The following SLC14A2 variants were observed in gnomAD, a reference collection of about 807,000 sequenced individuals.
SLC14A2 encodes urea transporter 2.
In SLC14A2, 91 loss-of-function variants were observed where a neutral mutation model predicts 104.6. The ratio of observed to expected loss-of-function variants is 0.87; its 90% CI spans 0.73 to 1.04. SLC14A2 has a LOEUF of 1.04. Among genes scored for constraint, SLC14A2 ranks in the 50% least tolerant of loss-of-function variants. The probability of loss-of-function intolerance (pLI) is 0.00; values close to 1 mark genes in which losing one functional copy is unlikely to be tolerated. For missense variants in SLC14A2, 1,189 were observed against 1,156.0 expected, an observed-to-expected ratio of 1.03 and a Z score of -0.41; for synonymous variants, 476 against 466.4, an observed-to-expected ratio of 1.02 and a Z score of -0.27.
chr18:45,326,815 G>A (rs1599677132), intron 1 of SLC14A2, among the ~76,000 whole-genome samples: 2 of 152,202 alleles, frequency 1.3e-5, no homozygotes, highest in African/African-American at 2.4e-5. Context: ...CCAGGAGTAG[G>A]AAGCCTCGTT....
At chr18:45,668,904 C>T (rs573515464) in intron 15 of SLC14A2, among the ~76,000 whole-genome samples, 1 of 152,352 alleles carries the variant, frequency 6.6e-6, no homozygotes, top group East Asian at 1.9e-4. Context: ...CATGGGGAAG[C>T]CCTCAGTGCC....
intron 2 of SLC14A2, among the ~76,000 whole-genome samples, chr18:45,490,498 C>A (rs2087701707): frequency 6.6e-6 from 1 of 152,062 alleles, no homozygotes; most frequent in Non-Finnish European, 1.5e-5. Context: ...AAAAAATTAT[C>A]TTTTAAACTA....
At chr18:45,542,218 A>C (rs867426802) in intron 2 of SLC14A2, 1 of 151,718 alleles carries the variant, frequency 6.6e-6, no homozygotes. Flanking sequence ...TCTAATTCTC[A>C]GAGGGCATGG....
upstream of SLC14A2, among the ~76,000 whole-genome samples, chr18:45,211,224 A>G (rs2083958574): frequency 6.6e-6 from 1 of 152,216 alleles, no homozygotes; most frequent in African/African-American, 2.4e-5. Context: ...CAGCACAACC[A>G]ACATATTTTC....
At chr18:45,652,211 C>G (rs1450351326) in intron 10 of SLC14A2, among the ~76,000 whole-genome samples, 1 of 152,230 alleles carries the variant, frequency 6.6e-6, no homozygotes, top group Non-Finnish European at 1.5e-5. Flanking sequence ...AAACCATGGT[C>G]TCATCTGGTA....
At chr18:45,606,767 A>C (rs1350671548) in intron 2 of SLC14A2, among the ~76,000 whole-genome samples, 1 of 147,746 alleles carries the variant, frequency 6.8e-6, no homozygotes, top group African/African-American at 2.5e-5. Flanking sequence ...AACAAAAAAA[A>C]AAAACACTGG....
At chr18:45,666,071 C>A in intron 11 of SLC14A2, 66 bp from the exon 12 acceptor site, 1 of 1,079,250 alleles carries the variant, frequency 9.3e-7, no homozygotes, top group South Asian at 1.2e-5. Flanking sequence ...CCTTGCAGGA[C>A]ATTAGCTTCT....
At chr18:45,654,137 T>G (rs1437078051) in intron 10 of SLC14A2, among the ~76,000 whole-genome samples, 6 of 149,868 alleles carry the variant, frequency 4.0e-5, no homozygotes, top group South Asian at 2.1e-4. Context: ...GCAGGAATGC[T>G]GGGGGGGACG....
chr18:45,551,795 T>G (rs1390045123), intron 2 of SLC14A2, among the ~76,000 whole-genome samples: 1 of 152,194 alleles, frequency 6.6e-6, no homozygotes, highest in Non-Finnish European at 1.5e-5. Flanking sequence ...AGTGGAAAGC[T>G]GGTCTCATCC....
At chr18:45,226,657 C>T (rs985966333) in intron 1 of SLC14A2, among the ~76,000 whole-genome samples, 24 of 93,778 alleles carry the variant, frequency 2.6e-4, no homozygotes, top group East Asian at 1.9e-3. Flanking sequence ...CATCACACAA[C>T]GGGGCCTGTT....
chr18:45,302,816 A>C (rs1381878678), intron 1 of SLC14A2, among the ~76,000 whole-genome samples: 1 of 152,198 alleles, frequency 6.6e-6, no homozygotes, highest in African/African-American at 2.4e-5. Flanking sequence ...ATGTTTACAT[A>C]AAATGTTAAC....
At chr18:45,632,128 GGTGTGTGTGTGTGTGTTTGTGTGTGT>G (rs1038656087) in intron 4 of SLC14A2, among the ~76,000 whole-genome samples, 196 bp from the exon 5 acceptor site, 4 of 125,210 alleles carry the variant, frequency 3.2e-5, no homozygotes, top group Non-Finnish European at 5.4e-5. Flanking sequence ...GCAAGACAAG[GGTGTGTGTGTGTGTGTTTGTGTGTGT>G]GTGTGTGTGT....
At chr18:45,608,717 CCTTCCAGCCA>C (rs2044916329) in intron 2 of SLC14A2, among the ~76,000 whole-genome samples, 1 of 152,220 alleles carries the variant, frequency 6.6e-6, no homozygotes, top group African/African-American at 2.4e-5. Flanking sequence ...TTGGCAAATG[CCTTCCAGCCA>C]CTTCCAGCAT....
chr18:45,578,167 C>A (rs1301509802), intron 2 of SLC14A2, among the ~76,000 whole-genome samples: 1 of 152,202 alleles, frequency 6.6e-6, no homozygotes, highest in East Asian at 1.9e-4. Flanking sequence ...CTTTGGAGTT[C>A]ACTTTCTCCA....
At chr18:45,295,118 A>C (rs1174340622) in intron 1 of SLC14A2, among the ~76,000 whole-genome samples, 1 of 152,274 alleles carries the variant, frequency 6.6e-6, no homozygotes, top group Admixed American at 6.5e-5. Context: ...GCAAAGTGGT[A>C]AGTGGGGCTG....
At chr18:45,464,647 C>T (rs559873467) in intron 1 of SLC14A2, among the ~76,000 whole-genome samples, 2 of 152,228 alleles carry the variant, frequency 1.3e-5, no homozygotes, top group South Asian at 4.1e-4. Flanking sequence ...TTGTGGAATG[C>T]TAGAAAGTCT....
chr18:45,549,778 G>C (rs1022432796), intron 2 of SLC14A2, among the ~76,000 whole-genome samples: 1 of 152,160 alleles, frequency 6.6e-6, no homozygotes, highest in Non-Finnish European at 1.5e-5. Flanking sequence ...CTTGTGTTTT[G>C]AGGTTTTCTT....
chr18:45,495,493 C>T (rs1328299208), intron 2 of SLC14A2, among the ~76,000 whole-genome samples: 2 of 152,134 alleles, frequency 1.3e-5, no homozygotes, highest in Non-Finnish European at 2.9e-5. Context: ...TCCTACAAAG[C>T]AAGGTGAGGG....
chr18:45,311,255 C>T (rs995172335), intron 1 of SLC14A2, among the ~76,000 whole-genome samples: 1 of 152,204 alleles, frequency 6.6e-6, no homozygotes, highest in African/African-American at 2.4e-5. Flanking sequence ...TGCTGAGCGA[C>T]ATCACTGAAA....
Sources: allele counts gnomAD v4.1 joint callset (sites outside exome capture counted in the v4.1 genomes callset), GRCh38; gene constraint gnomAD v4.1.1; transcripts MANE v1.5; gene names NCBI Gene and HGNC (gene_info 2026-07-23, HGNC 2026-07-21).